The following NXF2B variants were observed in gnomAD, a reference collection of about 807,000 sequenced individuals.
NXF2B encodes nuclear RNA export factor 2.
At chrX:102,432,459 CACTG>C (rs1255898867) in intron 2 of NXF2B, among the ~76,000 whole-genome samples, 1 of 93,273 alleles carries the variant, frequency 1.1e-5, no homozygotes, top group African/African-American at 4.1e-5. Flanking sequence ...AAGACATACA[CACTG>C]ACTAACAGGT....
intron 2 of NXF2B, among the ~76,000 whole-genome samples, chrX:102,393,547 A>AAT (rs782589671): frequency 0.12 from 608 of 5,254 alleles, 28 homozygotes; most frequent in Non-Finnish European, 0.15. Context: ...AACAAAACTA[A>AAT]ATATATATAT....
intron 2 of NXF2B, among the ~76,000 whole-genome samples, chrX:102,398,019 T>G (rs1242006020): frequency 1.1e-5 from 1 of 89,085 alleles, no homozygotes; most frequent in Admixed American, 1.3e-4. Context: ...ATATCCAGAA[T>G]CTACAAGAAA....
chrX:102,412,632 AAGAAGAAGAAGAAGT>A, intron 2 of NXF2B, among the ~76,000 whole-genome samples: 2 of 27,439 alleles, frequency 7.3e-5, no homozygotes, highest in African/African-American at 3.0e-4. Flanking sequence ...GAAGAAGAAG[AAGAAGAAGAAGAAGT>A]AGTCATCATC....
chrX:102,397,807 G>C (rs1309476538), intron 2 of NXF2B, among the ~76,000 whole-genome samples: 2 of 110,977 alleles, frequency 1.8e-5, no homozygotes, highest in East Asian at 2.9e-4. Context: ...CTAATATCCA[G>C]AATCTACAAT....
chrX:102,412,594 G>GGAAGAAGAA lies in NXF2B; in HGVS notation c.-54+25950_-54+25958dup, dbSNP rs1251891728. Among the ~76,000 whole-genome samples, 21 of 4,954 alleles carry GGAAGAAGAA rather than the reference G, an allele frequency of 4.2e-3. 2 individuals carry two copies. The highest frequency in any genetic ancestry group is 0.013 in the South Asian group (1 of 77). The allele number at this position is 4,954 out of a possible 115,157, so 4.3% of individuals were successfully genotyped here. On this transcript the variant is annotated intron_variant, in intron 2 of 22. Coordinates refer to the NXF2B transcript ENST00000602195. ...AAGAAGAGGAAGAGGAAGAGGAAGA[G>GGAAGAAGAA]GAAGAAGAAGAAGAAGAAGAAGAAG... is the stretch of plus-strand genomic sequence containing the variant.
At chrX:102,397,301 A>G (rs1934326541) in intron 2 of NXF2B, among the ~76,000 whole-genome samples, 1 of 35,595 alleles carries the variant, frequency 2.8e-5, no homozygotes, top group South Asian at 3.4e-3. Context: ...AGGCTACAGT[A>G]ACCAAAACAG....
rs1209468951 is a variant in NXF2B, at chrX:102,405,081, A to T, written c.-53-24992T>A. 1.7e-4 allele frequency among the ~76,000 whole-genome samples: 14 copies of T among 80,729 alleles called. No individual in the cohort carries two copies. In the East Asian group the frequency reaches 2.8e-3, roughly 16 times the overall value. 70.1% of individuals were successfully genotyped at this position (80,729 alleles called of 115,157 possible). ...AGGATCACGAGGTCAGGAGATCGAG[A>T]CCATCCTGGCTAACACGGTGGAACC... On this transcript the variant is annotated intron_variant, in intron 2 of 22. Transcript: ENST00000602195.
chrX:102,393,593 T>TATATATATAC (rs1491394012), intron 2 of NXF2B, among the ~76,000 whole-genome samples: 1 of 21,844 alleles, frequency 4.6e-5, no homozygotes, highest in Non-Finnish European at 7.7e-5. Context: ...TATATATATA[T>TATATATATAC]GGAAAGAAAG....
chrX:102,377,148 TTGTGTGTGTGTGTGTGTGTG>T (rs781891878), intron 1 of NXF2B, among the ~76,000 whole-genome samples: 1 of 54,414 alleles, frequency 1.8e-5, no homozygotes, highest in African/African-American at 7.8e-5. Flanking sequence ...GAGAGTGTAT[TTGTGTGTGTGTGTGTGTGTG>T]TGTGTGTGTG....
chrX:102,386,045 TC>T (rs1193684380), intron 2 of NXF2B, among the ~76,000 whole-genome samples: 1 of 114,868 alleles, frequency 8.7e-6, no homozygotes, highest in Non-Finnish European at 1.9e-5. Context: ...CCTCCCGGGT[TC>T]AAGTGATTCT....
At chrX:102,398,155 T>A in intron 2 of NXF2B, among the ~76,000 whole-genome samples, 3 of 61,237 alleles carry the variant, frequency 4.9e-5, no homozygotes, top group Admixed American at 1.6e-4. Flanking sequence ...AACAAACATA[T>A]GAAAAAAAAT....
intron 2 of NXF2B, among the ~76,000 whole-genome samples, chrX:102,397,865 A>G (rs1934333288): frequency 8.7e-6 from 1 of 114,760 alleles, no homozygotes; most frequent in African/African-American, 3.2e-5. Context: ...CTCAAAAGCA[A>G]ATGCACCAAA....
At chrX:102,386,371 CG>C (rs1238484091) in intron 2 of NXF2B, among the ~76,000 whole-genome samples, 1 of 108,152 alleles carries the variant, frequency 9.2e-6, no homozygotes, top group Non-Finnish European at 1.9e-5. Context: ...ACGGTAAATA[CG>C]AAGAATTCAG....
intron 2 of NXF2B, among the ~76,000 whole-genome samples, chrX:102,432,161 TG>T (rs1284711479): frequency 1.4e-5 from 1 of 71,464 alleles, no homozygotes; most frequent in Non-Finnish European, 2.6e-5. Flanking sequence ...AAGGAAAGCA[TG>T]CCTACTACCT....
intron 2 of NXF2B, among the ~76,000 whole-genome samples, chrX:102,412,614 AAG>A (rs1434690708): frequency 3.7e-5 from 1 of 27,199 alleles, no homozygotes; most frequent in Non-Finnish European, 8.1e-5. Flanking sequence ...GAAGAAGAAG[AAG>A]AAGAAGAAGA....
intron 2 of NXF2B, among the ~76,000 whole-genome samples, chrX:102,397,118 TTA>T (rs1405251503): frequency 2.2e-5 from 2 of 91,195 alleles, no homozygotes; most frequent in African/African-American, 7.1e-5. Flanking sequence ...CCAAGGTAAT[TTA>T]TAGATTCAAC....
intron 2 of NXF2B, among the ~76,000 whole-genome samples, chrX:102,433,300 C>CT (rs1200756330): frequency 9.1e-6 from 1 of 109,745 alleles, no homozygotes; most frequent in Non-Finnish European, 1.9e-5. Flanking sequence ...TGCTGGAATA[C>CT]AGTTTGTACA....
intron 2 of NXF2B, among the ~76,000 whole-genome samples, chrX:102,398,393 G>A (rs1472152088): frequency 1.1e-4 from 2 of 18,826 alleles, no homozygotes; most frequent in African/African-American, 5.3e-4. Context: ...ACTACCATTC[G>A]ATCCAGCAAT....
intron 2 of NXF2B, among the ~76,000 whole-genome samples, chrX:102,432,466 T>G (rs1246933426): frequency 2.2e-5 from 2 of 89,708 alleles, no homozygotes. Context: ...ACACACTGAC[T>G]AACAGGTGTA....
Sources: gnomAD v4.1 joint callset for allele counts (sites outside exome capture counted in the v4.1 genomes callset) on GRCh38, gnomAD v4.1.1 for gene constraint, MANE v1.5 for transcripts, NCBI Gene and HGNC (gene_info 2026-07-23, HGNC 2026-07-21) for gene names.